The following GDPD1 variants were observed in gnomAD, a reference collection of about 807,000 sequenced individuals.
GDPD1 encodes the protein lysophospholipase D GDPD1.
Under a neutral mutation model 45.1 loss-of-function variants are expected in GDPD1, and 28 were observed. That is an observed-to-expected ratio of 0.62 (90% CI 0.46 to 0.85). GDPD1 has a LOEUF of 0.85. GDPD1 is among the 40% of genes least tolerant of loss of function. The pLI, the probability that GDPD1 is intolerant of heterozygous loss-of-function variation, is 0.00. For missense variants in GDPD1, 256 were observed against 364.8 expected (o/e 0.70, Z 2.43); for synonymous variants, 139 against 131.4 (o/e 1.06, Z -0.40).
intron 2 of GDPD1, among the ~76,000 whole-genome samples, chr17:59,241,657 C>T (rs1332938006): frequency 6.7e-6 from 1 of 149,306 alleles, no homozygotes; most frequent in African/African-American, 2.4e-5. Flanking sequence ...AGCTGGGTGC[C>T]GTGGCTCATG....
intron 7 of GDPD1, among the ~76,000 whole-genome samples, chr17:59,268,273 T>C (rs2047413451): frequency 6.6e-6 from 1 of 152,096 alleles, no homozygotes; most frequent in South Asian, 2.1e-4. Context: ...TGTGATTTTA[T>C]TTGCATGAAA....
At chr17:59,255,773 A>ATATATATATATATACGCGTATATATG (rs2047295076) in intron 4 of GDPD1, among the ~76,000 whole-genome samples, 1 of 84,416 alleles carries the variant, frequency 1.2e-5, no homozygotes, top group Non-Finnish European at 2.1e-5. Flanking sequence ...ATATATATAT[A>ATATATATATATATACGCGTATATATG]TATATATATA....
At chr17:59,242,429 A>G (rs1258079442) in intron 2 of GDPD1, among the ~76,000 whole-genome samples, 1 of 152,244 alleles carries the variant, frequency 6.6e-6, no homozygotes, top group African/African-American at 2.4e-5. Context: ...CTAAAAATTC[A>G]AACAACTCAA....
chr17:59,263,495 TGAGACGGA>T (rs2047374653), intron 6 of GDPD1, among the ~76,000 whole-genome samples: 1 of 145,840 alleles, frequency 6.9e-6, no homozygotes. Context: ...TTTTTTTTTT[TGAGACGGA>T]GTTTCACTCT....
At chr17:59,255,804 T>TACAC (rs2047298517) in intron 4 of GDPD1, among the ~76,000 whole-genome samples, 1 of 95,396 alleles carries the variant, frequency 1.0e-5, no homozygotes, top group East Asian at 2.7e-4. Context: ...TATGTATATA[T>TACAC]ATATATACGC....
chr17:59,259,409 T>C (rs2147897689), intron 6 of GDPD1, among the ~76,000 whole-genome samples: 1 of 151,110 alleles, frequency 6.6e-6, no homozygotes, highest in East Asian at 2.0e-4. Context: ...GTACTAAAAA[T>C]ACAAAAAATT....
intron 1 of GDPD1, among the ~76,000 whole-genome samples, chr17:59,227,936 G>A (rs966162540): frequency 5.3e-5 from 8 of 152,106 alleles, no homozygotes; most frequent in South Asian, 2.1e-4. Context: ...TTGGGAGGCC[G>A]AGGTGGGAGG....
chr17:59,270,958 T>A lies in GDPD1; in HGVS notation c.733T>A (p.Ser245Thr), dbSNP rs771121780. ...TAGGCTAAAAGAACCACACACCATG[T>A]CCAGAAGTCAAAAGTTTCTCATCTG... is the stretch of plus-strand genomic sequence containing the variant. ...ILKLKEPHTM[S>T]RSQKFLIWLS... The change falls in exon 8 of 10, where the codon TCC becomes ACC. Residue 245 changes from serine (S) to threonine (T), a missense_variant. Coordinates refer to ENST00000284116, the MANE Select transcript of GDPD1 (RefSeq NM_182569.4). 6.2e-7 allele frequency: 1 copy of A among 1,605,136 alleles called. No individual in the cohort carries two copies. The highest frequency in any genetic ancestry group is 8.5e-7 in the Non-Finnish European group (1 of 1,174,644).
At chr17:59,261,466 A>AT (rs369742705) in intron 6 of GDPD1, among the ~76,000 whole-genome samples, 3 of 151,666 alleles carry the variant, frequency 2.0e-5, no homozygotes, top group South Asian at 2.1e-4. Flanking sequence ...CCTATAAATG[A>AT]TTTTTTTTAA....
intron 6 of GDPD1, among the ~76,000 whole-genome samples, chr17:59,262,972 C>T (rs1001917795): frequency 6.6e-6 from 1 of 152,072 alleles, no homozygotes; most frequent in African/African-American, 2.4e-5. Flanking sequence ...TGAATCTATA[C>T]ATGGGTTAAA....
chr17:59,222,131 G>A (rs2047009430), intron 1 of GDPD1, among the ~76,000 whole-genome samples: 1 of 152,074 alleles, frequency 6.6e-6, no homozygotes, highest in Non-Finnish European at 1.5e-5. Flanking sequence ...TTGGAACCAG[G>A]GACCGACTTT....
chr17:59,271,105 A>G, intron 8 of GDPD1, 110 bp downstream of exon 8: 1 of 640,330 alleles, frequency 1.6e-6, no homozygotes, highest in Admixed American at 2.9e-5. Context: ...AACAAGGACA[A>G]ATTGAGCACC....
intron 4 of GDPD1, among the ~76,000 whole-genome samples, chr17:59,251,145 G>A (rs1024794714): frequency 3.3e-5 from 5 of 152,124 alleles, no homozygotes; most frequent in Non-Finnish European, 7.4e-5. Context: ...CTTGAACTAG[G>A]TCTCTATCTT....
At chr17:59,231,574 C>T (rs1220220520) in intron 1 of GDPD1, among the ~76,000 whole-genome samples, 3 of 151,988 alleles carry the variant, frequency 2.0e-5, no homozygotes, top group Middle Eastern at 6.3e-3. Context: ...GATCCACCCG[C>T]CTTGGCCTCC....
At chr17:59,254,905 A>G (rs1263702986) in intron 4 of GDPD1, among the ~76,000 whole-genome samples, 1 of 152,164 alleles carries the variant, frequency 6.6e-6, no homozygotes, top group Non-Finnish European at 1.5e-5. Flanking sequence ...CCCAGTGTCC[A>G]TATTGTTATG....
At chr17:59,266,551 C>T (rs985122514) in intron 6 of GDPD1, among the ~76,000 whole-genome samples, 1 of 151,952 alleles carries the variant, frequency 6.6e-6, no homozygotes, top group Non-Finnish European at 1.5e-5. Context: ...GATTAGTTTA[C>T]AAATCCTATT....
intron 2 of GDPD1, among the ~76,000 whole-genome samples, chr17:59,240,173 T>C (rs12944342): frequency 0.96 from 146,084 of 152,014 alleles, 70,508 homozygotes; most frequent in African/African-American, 0.99. Flanking sequence ...CGCTTGTAGT[T>C]CCAGCTACTC....
intron 6 of GDPD1, among the ~76,000 whole-genome samples, chr17:59,264,271 A>T (rs560172494): frequency 2.6e-5 from 4 of 151,544 alleles, no homozygotes; most frequent in South Asian, 2.1e-4. Flanking sequence ...AAGTGTCGGG[A>T]TTACAGGCAT....
chr17:59,251,248 G>A (rs1466134539), intron 4 of GDPD1, among the ~76,000 whole-genome samples: 1 of 152,222 alleles, frequency 6.6e-6, no homozygotes, highest in Non-Finnish European at 1.5e-5. Flanking sequence ...GTCCAGTGCA[G>A]TGGCTCACGC....
Sources: gnomAD v4.1 joint callset for allele counts (sites outside exome capture counted in the v4.1 genomes callset) on GRCh38, gnomAD v4.1.1 for gene constraint, MANE v1.5 for transcripts, NCBI Gene and HGNC (gene_info 2026-07-23, HGNC 2026-07-21) for gene names.